The following WDPCP variants were observed in gnomAD, a reference collection of about 807,000 sequenced individuals.
The protein encoded by WDPCP is WD repeat-containing and planar cell polarity effector protein fritz homolog.
A neutral mutation model predicts 93.1 loss-of-function variants in WDPCP; 71 were observed. The ratio of observed to expected loss-of-function variants is 0.76; its 90% CI spans 0.63 to 0.93. The LOEUF (loss-of-function observed/expected upper bound fraction) is 0.93. Among genes scored for constraint, WDPCP ranks in the 40% least tolerant of loss-of-function variants. WDPCP has a pLI of 0.00. For synonymous variants in WDPCP, 315 were observed against 315.0 expected (o/e 1.00, Z 0.00); for missense variants, 844 against 887.4 (o/e 0.95, Z 0.62).
At chr2:63,576,854 C>T (rs1708151715) in intron 1 of WDPCP, among the ~76,000 whole-genome samples, 1 of 152,170 alleles carries the variant, frequency 6.6e-6, no homozygotes, top group Non-Finnish European at 1.5e-5. Context: ...CAAATATATA[C>T]TTCTAATTAT....
intron 2 of WDPCP, among the ~76,000 whole-genome samples, chr2:63,732,638 T>C (rs1669578805): frequency 6.6e-6 from 1 of 152,138 alleles, no homozygotes; most frequent in African/African-American, 2.4e-5. Flanking sequence ...ATAGTAAATA[T>C]AAAACAGAAA....
chr2:63,818,092 A>AGAGTAATGAAAGAGAATTGGC (rs960394874), intron 1 of WDPCP, among the ~76,000 whole-genome samples: 8 of 152,230 alleles, frequency 5.3e-5, no homozygotes, highest in Admixed American at 1.3e-4. Context: ...AGTTCATTAC[A>AGAGTAATGAAAGAGAATTGGC]GAGTAATGAA....
intron 1 of WDPCP, among the ~76,000 whole-genome samples, chr2:63,816,668 G>C (rs943367812): frequency 2.6e-5 from 4 of 152,206 alleles, no homozygotes; most frequent in African/African-American, 9.7e-5. Flanking sequence ...AGAGCTATGA[G>C]AGAATAACCT....
At chr2:63,127,121 CT>C (rs66754554) in intron 17 of WDPCP, among the ~76,000 whole-genome samples, 55,933 of 119,576 alleles carry the variant, frequency 0.47, 11,683 homozygotes, top group East Asian at 0.66. Flanking sequence ...ACATATTTAA[CT>C]TTTTTTTTTT....
chr2:63,820,221 A>C (rs528563015), intron 1 of WDPCP, among the ~76,000 whole-genome samples: 1 of 152,224 alleles, frequency 6.6e-6, no homozygotes, highest in African/African-American at 2.4e-5. Context: ...TTTGTCAGGA[A>C]AATGAATAGT....
chr2:63,147,089 T>G (rs1394829886), intron 17 of WDPCP, among the ~76,000 whole-genome samples: 1 of 152,194 alleles, frequency 6.6e-6, no homozygotes, highest in Non-Finnish European at 1.5e-5. Context: ...ATGAAGTAAC[T>G]CAGACTCTTT....
At chr2:63,707,189 G>A (rs1311203930) in intron 2 of WDPCP, among the ~76,000 whole-genome samples, 1 of 152,134 alleles carries the variant, frequency 6.6e-6, no homozygotes, top group Non-Finnish European at 1.5e-5. Flanking sequence ...GCTAGATTGG[G>A]GAAGTTCTCC....
In WDPCP at chr2:63,404,263, G is replaced by A. The variant is rs1694380913; in HGVS notation, c.1220C>T (p.Ala407Val). The change falls in exon 10 of 18, where the codon GCT becomes GTT. Residue 407 changes from alanine to valine, a missense_variant. Transcript: ENST00000272321. ...CAGTTGGATGTTAATAGGGGATAGAGCCATATCAAAAATTTGCAACTCCCC... is the reference window on the plus strand; with the variant it reads ...CAGTTGGATGTTAATAGGGGATAGAACCATATCAAAAATTTGCAACTCCCC... ...NQGELQIFDM[A>V]LSPINIQLLA... The A allele has an allele frequency of 6.2e-7, 1 of 1,613,968 alleles. No individual in the cohort carries two copies. Among genetic ancestry groups the A allele is most frequent in the Non-Finnish European group, 8.5e-7 (1 of 1,179,908 alleles).
intron 14 of WDPCP, among the ~76,000 whole-genome samples, chr2:63,188,124 T>C (rs773148131): frequency 1.4e-4 from 21 of 152,190 alleles, no homozygotes; most frequent in Admixed American, 2.0e-4. Context: ...AGATTCTTCC[T>C]TTGACTCATA....
chr2:63,257,694 T>C (rs971431565), intron 14 of WDPCP, among the ~76,000 whole-genome samples: 2 of 152,208 alleles, frequency 1.3e-5, no homozygotes, highest in African/African-American at 2.4e-5. Context: ...AATTATCCGC[T>C]GGCCACAGTA....
chr2:63,748,011 G>A (rs1669823760), intron 2 of WDPCP, among the ~76,000 whole-genome samples: 1 of 151,722 alleles, frequency 6.6e-6, no homozygotes, highest in Non-Finnish European at 1.5e-5. Context: ...GAGAGTGAGG[G>A]AAATAGAAAG....
intron 6 of WDPCP, among the ~76,000 whole-genome samples, chr2:63,473,769 A>G (rs1226498155): frequency 6.6e-6 from 1 of 152,236 alleles, no homozygotes; most frequent in Non-Finnish European, 1.5e-5. Context: ...AAATGAGAAT[A>G]ATAATATAGC....
At chr2:63,663,588 G>A (rs886275262) in intron 2 of WDPCP, among the ~76,000 whole-genome samples, 1 of 152,178 alleles carries the variant, frequency 6.6e-6, no homozygotes, top group Admixed American at 6.5e-5. Context: ...CTATAGAAAT[G>A]GAGAAAGGAC....
intron 3 of WDPCP, chr2:63,599,150 G>T: frequency 2.5e-6 from 4 of 1,611,712 alleles, no homozygotes; most frequent in Non-Finnish European, 3.4e-6. Context: ...TAACTCTTCA[G>T]TGCCTTCCAT....
intron 14 of WDPCP, among the ~76,000 whole-genome samples, chr2:63,216,341 A>T (rs1223701496): frequency 6.6e-6 from 1 of 152,248 alleles, no homozygotes; most frequent in Non-Finnish European, 1.5e-5. Context: ...GATTAAGAAA[A>T]TGTGGCACAT....
intron 2 of WDPCP, chr2:63,752,617 A>G: frequency 1.9e-6 from 1 of 519,192 alleles, no homozygotes. Flanking sequence ...TAGGATACTG[A>G]TTTAGACATG....
chr2:63,148,804 T>A (rs1156791998), intron 17 of WDPCP, among the ~76,000 whole-genome samples: 1 of 151,948 alleles, frequency 6.6e-6, no homozygotes, highest in Non-Finnish European at 1.5e-5. Flanking sequence ...GGACATCTCA[T>A]GCCATAAAAG....
intron 2 of WDPCP, among the ~76,000 whole-genome samples, chr2:63,735,812 A>T (rs774488460): frequency 6.6e-6 from 1 of 152,240 alleles, no homozygotes; most frequent in African/African-American, 2.4e-5. Context: ...GCTAAATTCT[A>T]TTAAGTTAAT....
At chr2:63,215,720 T>C (rs1335064340) in intron 14 of WDPCP, among the ~76,000 whole-genome samples, 1 of 152,104 alleles carries the variant, frequency 6.6e-6, no homozygotes, top group Admixed American at 6.5e-5. Flanking sequence ...GGGATCTAAT[T>C]AAACTAAAGA....
Sources: gnomAD v4.1 joint callset for allele counts (sites outside exome capture counted in the v4.1 genomes callset) on GRCh38, gnomAD v4.1.1 for gene constraint, MANE v1.5 for transcripts, NCBI Gene and HGNC (gene_info 2026-07-23, HGNC 2026-07-21) for gene names.